Variants in GRAMD1A observed in about 807,000 individuals in gnomAD.
GRAMD1A encodes the protein protein Aster-A.
GRAMD1A carries 50 observed loss-of-function variants against 92.0 expected under a neutral mutation model. The ratio of observed to expected loss-of-function variants is 0.54; its 90% CI spans 0.43 to 0.69. GRAMD1A has a LOEUF of 0.69. Among genes scored for constraint, GRAMD1A ranks in the 30% least tolerant of loss-of-function variants. The probability of loss-of-function intolerance (pLI) is 0.00; values close to 1 mark genes in which losing one functional copy is unlikely to be tolerated. For synonymous variants in GRAMD1A, 405 were observed against 403.6 expected, an observed-to-expected ratio of 1.00 and a Z score of -0.04; for missense variants, 819 against 978.9, an observed-to-expected ratio of 0.84 and a Z score of 2.18.
At chr19:34,996,769 G>A (rs1033710104), upstream of GRAMD1A, among the ~76,000 whole-genome samples, 1 of 148,036 alleles carries the variant, frequency 6.8e-6, no homozygotes, top group Non-Finnish European at 1.5e-5. Context: ...TTGCGCCACT[G>A]CTCCAGCCTG....
At chr19:35,010,813 A>T (rs2015179326) in intron 6 of GRAMD1A, among the ~76,000 whole-genome samples, 1 of 152,130 alleles carries the variant, frequency 6.6e-6, no homozygotes, top group South Asian at 2.1e-4. Context: ...TTAAAAGTGG[A>T]TCTGGCCAGG....
intron 4 of GRAMD1A, 39 bp downstream of exon 4, chr19:35,010,011 C>G: frequency 6.5e-7 from 1 of 1,547,796 alleles, no homozygotes; most frequent in Non-Finnish European, 8.9e-7. Context: ...CTAGCCCAGC[C>G]CTGTGACTCT....
At position 35,009,160 on chromosome 19, in the gene GRAMD1A, C is replaced by T. The variant is rs2015035682; in HGVS notation, c.50C>T (p.Pro17Leu). ...GGCCGGAGCACGCCAAGCAGCTCCC[C>T]ATCGCTCCGGAAACGGCTGCAGCTC... is the stretch of plus-strand genomic sequence containing the variant. ...HSGRSTPSSSPSLRKRLQLLP... is the reference protein window; with the variant it reads ...HSGRSTPSSSLSLRKRLQLLP... Residue 17 changes from proline (P) to leucine (L), a missense_variant, in exon 2 of 20, where the codon CCA (proline) becomes CTA (leucine). Physicochemically the swap from Pro to Leu is moderately conservative, Grantham distance 98. This residue lies in a region of GRAMD1A where 98 missense variants were observed against 84.0 expected (regional missense o/e 1.17). Coordinates refer to ENST00000317991, the MANE Select transcript of GRAMD1A (RefSeq NM_020895.5). 1.9e-6 allele frequency: 3 copies of T among 1,613,876 alleles called. No homozygotes were observed. The highest frequency in any genetic ancestry group is 2.5e-6 in the Non-Finnish European group (3 of 1,179,892).
At chr19:34,995,441 T>C (rs2013986359), upstream of GRAMD1A, among the ~76,000 whole-genome samples, 1 of 152,162 alleles carries the variant, frequency 6.6e-6, no homozygotes, top group South Asian at 2.1e-4. Flanking sequence ...CTCCAGATAC[T>C]GCCTGGCCAC....
intron 7 of GRAMD1A, 61 bp downstream of exon 7, chr19:35,011,615 G>A: frequency 1.6e-6 from 2 of 1,250,182 alleles, no homozygotes; most frequent in Admixed American, 3.5e-5. Context: ...TGGAGCCAGG[G>A]ACCCCAGAAC....
At chr19:35,022,647 A>G (rs953644036) in intron 16 of GRAMD1A, among the ~76,000 whole-genome samples, 3 of 102,860 alleles carry the variant, frequency 2.9e-5, no homozygotes, top group South Asian at 2.6e-4. Context: ...ACTCCTGCCC[A>G]GAAGCCTGCA....
At chr19:35,001,765 G>A (rs1315912711) in intron 1 of GRAMD1A, among the ~76,000 whole-genome samples, 1 of 151,930 alleles carries the variant, frequency 6.6e-6, no homozygotes, top group Non-Finnish European at 1.5e-5. Flanking sequence ...GTGCCACCAC[G>A]CCTGGCTAAG....
chr19:35,011,139 T>C (rs1364365667), intron 6 of GRAMD1A, among the ~76,000 whole-genome samples: 1 of 150,072 alleles, frequency 6.7e-6, no homozygotes, highest in African/African-American at 2.4e-5. Flanking sequence ...TGACCATTCT[T>C]AGTGGCAAAG....
At chr19:34,994,968 GC>G (rs1479874226) in intron 1 of GRAMD1A, 1 of 152,254 alleles carries the variant, frequency 6.6e-6, no homozygotes, top group African/African-American at 2.4e-5. Context: ...GTGCCAAGAA[GC>G]CCCTGTCTTG....
At chr19:34,995,981 T>C, upstream of GRAMD1A, 1 of 1,485,328 alleles carries the variant, frequency 6.7e-7, no homozygotes, top group Non-Finnish European at 9.0e-7. Context: ...CATCTCTTTT[T>C]TCTCTTTCCC....
intron 13 of GRAMD1A, among the ~76,000 whole-genome samples, chr19:35,019,885 G>C (rs1454590081): frequency 6.6e-6 from 1 of 152,178 alleles, no homozygotes; most frequent in Non-Finnish European, 1.5e-5. Flanking sequence ...AGAAAAATGA[G>C]GAAAACACGG....
At chr19:34,995,742 C>T (rs1377487844), upstream of GRAMD1A, among the ~76,000 whole-genome samples, 1 of 151,996 alleles carries the variant, frequency 6.6e-6, no homozygotes, top group African/African-American at 2.4e-5. Flanking sequence ...TGCCACCATG[C>T]CTAGCTAATT....
chr19:35,006,314 T>G (rs1480544005), intron 1 of GRAMD1A, among the ~76,000 whole-genome samples: 1 of 152,120 alleles, frequency 6.6e-6, no homozygotes, highest in Non-Finnish European at 1.5e-5. Context: ...AGCGCGACTC[T>G]TTGTCTCCAA....
At position 35,026,045 on chromosome 19, in the gene GRAMD1A, G is replaced by T; in HGVS notation, c.2083-4G>T. 1 of 1,547,574 alleles carries T rather than the reference G, an allele frequency of 6.5e-7. No individual in the cohort carries two copies. Reference sequence around the variant, plus strand: ...CCCCGACCCTGCTCACCTCCTCCCCGCAGATGAAGTTCTCGCTGGAGAAGC... The same window carrying T: ...CCCCGACCCTGCTCACCTCCTCCCCTCAGATGAAGTTCTCGCTGGAGAAGC... On this transcript the variant is annotated splice_region_variant and splice_polypyrimidine_tract_variant and intron_variant, in intron 19 of 19. Coordinates refer to ENST00000317991, the MANE Select transcript of GRAMD1A (RefSeq NM_020895.5).
At position 35,000,438 on chromosome 19, in the gene GRAMD1A, G is replaced by GCCCTGCCCTT; in HGVS notation, c.-32_-31insTCCCTGCCCT. The GCCCTGCCCTT allele has an allele frequency of 8.1e-7, 1 of 1,241,912 alleles. No homozygotes were observed. The highest frequency in any genetic ancestry group is 4.1e-5 in the Admixed American group (1 of 24,330). The allele number at this position is 1,241,912 out of a possible 1,614,324, so 76.9% of individuals were successfully genotyped here. On this transcript the variant is annotated 5_prime_UTR_variant, in exon 1 of 20. Transcript: ENST00000317991. The surrounding 1 kb of genome is among the most constrained non-coding windows in gnomAD (Gnocchi z 4.9). ...GCGCAGCCCAGCCCTGCCCTGCCCTGCCCTGCCCTGCGCCCGGGGCGCGCC... is the reference window on the plus strand; with the variant it reads ...GCGCAGCCCAGCCCTGCCCTGCCCTGCCCTGCCCTTCCCTGCCCTGCGCCCGGGGCGCGCC...
chr19:35,019,646 C>A, intron 13 of GRAMD1A, 113 bp downstream of exon 13: 1 of 1,055,962 alleles, frequency 9.5e-7, no homozygotes, highest in Non-Finnish European at 1.4e-6. Flanking sequence ...GGAACAGAAG[C>A]GTGGGGTTCC....
rs758428360 is a variant in GRAMD1A, at chr19:35,009,138, C to T, written c.28C>T (p.Arg10Trp). MFDTTPHSG[R>W]STPSSSPSLR... is the part of the protein sequence containing the mutation. Reference sequence around the variant, plus strand: ...CCCCAGCACCACACCCCACTCTGGCCGGAGCACGCCAAGCAGCTCCCCATC... The same window carrying T: ...CCCCAGCACCACACCCCACTCTGGCTGGAGCACGCCAAGCAGCTCCCCATC... Residue 10 changes from arginine to tryptophan, a missense_variant, in exon 2 of 20, where the codon CGG becomes TGG. Physicochemically the swap from Arg to Trp is moderately radical, Grantham distance 101. This residue lies in a region of GRAMD1A where 98 missense variants were observed against 84.0 expected (regional missense o/e 1.17). Coordinates refer to ENST00000317991, the MANE Select transcript of GRAMD1A (RefSeq NM_020895.5). 2.7e-5 allele frequency: 44 copies of T among 1,613,116 alleles called. No individual in the cohort carries two copies. Among genetic ancestry groups the T allele is most frequent in the Admixed American group, 6.7e-5 (4 of 59,994 alleles).
At chr19:34,995,619 T>C (rs2014007088), upstream of GRAMD1A, among the ~76,000 whole-genome samples, 1 of 147,606 alleles carries the variant, frequency 6.8e-6, no homozygotes, top group Non-Finnish European at 1.5e-5. Flanking sequence ...TCTCGCTCTG[T>C]TGCCCAGGCT....
chr19:35,000,568 G>C lies in GRAMD1A; in HGVS notation c.8+82G>C. 8.9e-7 allele frequency: 1 copy of C among 1,126,252 alleles called. No homozygotes were observed. Among genetic ancestry groups the C allele is most frequent in the Non-Finnish European group, 1.1e-6 (1 of 892,848 alleles). The allele number at this position is 1,126,252 out of a possible 1,614,324, so 69.8% of individuals were successfully genotyped here. A position where few individuals can be genotyped will look rare whatever the true frequency, so the allele number is the denominator to read the frequency against. On this transcript the variant is annotated intron_variant, in intron 1 of 19. Transcript: ENST00000317991. The surrounding 1 kb of genome is among the most constrained non-coding windows in gnomAD (Gnocchi z 4.9). Reference sequence around the variant, plus strand: ...GGAGGGGGCGCCGCGGGCTTGGGGAGGGGGCGGAGCGGCCGCTGCAGAGGT... The same window carrying C: ...GGAGGGGGCGCCGCGGGCTTGGGGACGGGGCGGAGCGGCCGCTGCAGAGGT...
Sources: gnomAD v4.1 joint callset for allele counts (sites outside exome capture counted in the v4.1 genomes callset) on GRCh38, gnomAD v4.1.1 for gene constraint, gnomAD v4.1.1 regional missense constraint, Gnocchi (gnomAD v3.1) non-coding constraint, MANE v1.5 for transcripts, NCBI Gene and HGNC (gene_info 2026-07-23, HGNC 2026-07-21) for gene names.